Variants in UBR1 observed in about 807,000 individuals in gnomAD.
UBR1 encodes the protein E3 ubiquitin-protein ligase UBR1.
A neutral mutation model predicts 242.1 loss-of-function variants in UBR1; 102 were observed. That is an observed-to-expected ratio of 0.42 (90% CI 0.36 to 0.50). UBR1 has a LOEUF of 0.50. Ranked by LOEUF, UBR1 falls within the 20% of genes least tolerant of loss-of-function variation. The pLI, the probability that UBR1 is intolerant of heterozygous loss-of-function variation, is 0.01. For synonymous variants in UBR1, 675 were observed against 684.8 expected (o/e 0.99, Z 0.22); for missense variants, 1,772 against 2,101.8 (o/e 0.84, Z 3.07).
intron 10 of UBR1, among the ~76,000 whole-genome samples, chr15:43,057,228 G>C (rs533507012): frequency 1.1e-4 from 16 of 152,284 alleles, no homozygotes; most frequent in African/African-American, 3.8e-4. Context: ...ATCTTGAGTT[G>C]CCATCACTGC....
At chr15:43,010,533 C>CAT (rs2032907669) in intron 29 of UBR1, among the ~76,000 whole-genome samples, 1 of 152,034 alleles carries the variant, frequency 6.6e-6, no homozygotes, top group African/African-American at 2.4e-5. Flanking sequence ...GTATTAATAA[C>CAT]ATAGGAAAAA....
chr15:42,976,847 G>A lies in UBR1; in HGVS notation c.4239C>T (p.Phe1413=), dbSNP rs760880459. The change falls in exon 39 of 47, where the codon TTC becomes TTT. Residue 1413 remains phenylalanine, a synonymous_variant. Coordinates refer to ENST00000290650, the MANE Select transcript of UBR1 (RefSeq NM_174916.3). ...FHVLVGAVLA[F]PSLYWDDPVD... ...CAGGGTCATCCCAATACAAGGATGG[G>A]AATGCTAACACAGCACCCACCTATG... is the stretch of plus-strand genomic sequence containing the variant. The A allele has an allele frequency of 6.2e-7, 1 of 1,613,904 alleles. No homozygotes were observed. Among genetic ancestry groups the A allele is most frequent in the Non-Finnish European group, 8.5e-7 (1 of 1,179,900 alleles).
At chr15:43,001,394 AC>A (rs1316425800) in intron 32 of UBR1, among the ~76,000 whole-genome samples, 1 of 152,070 alleles carries the variant, frequency 6.6e-6, no homozygotes, top group Non-Finnish European at 1.5e-5. Context: ...TGATCCGCCC[AC>A]CTCGGCTTCC....
chr15:42,999,942 A>G (rs1165682598), intron 32 of UBR1, among the ~76,000 whole-genome samples: 2 of 152,136 alleles, frequency 1.3e-5, no homozygotes, highest in Non-Finnish European at 1.5e-5. Context: ...AAATTTACCT[A>G]TCTGGGCACA....
At chr15:43,036,701 A>C in intron 17 of UBR1, 108 bp from the exon 18 acceptor site, 3 of 726,008 alleles carry the variant, frequency 4.1e-6, no homozygotes, top group Non-Finnish European at 7.1e-6. Flanking sequence ...ACCCCTCAAA[A>C]TCCTTAGTGG....
intron 12 of UBR1, among the ~76,000 whole-genome samples, chr15:43,053,152 T>G (rs528758938): frequency 9.2e-5 from 14 of 152,132 alleles, no homozygotes; most frequent in African/African-American, 3.4e-4. Flanking sequence ...TATATTTAGG[T>G]TGGGATAGAG....
intron 29 of UBR1, among the ~76,000 whole-genome samples, chr15:43,008,153 G>A (rs564518960): frequency 4.6e-5 from 7 of 152,344 alleles, no homozygotes; most frequent in African/African-American, 1.4e-4. Context: ...CAAAGATGTC[G>A]CTGCAGCAGT....
At chr15:43,018,828 A>G (rs2033064819) in intron 27 of UBR1, among the ~76,000 whole-genome samples, 1 of 152,218 alleles carries the variant, frequency 6.6e-6, no homozygotes, top group Non-Finnish European at 1.5e-5. Flanking sequence ...TGCTTTTCAG[A>G]TATTTTGATA....
chr15:43,070,886 C>T lies in UBR1; in HGVS notation c.568G>A (p.Ala190Thr), dbSNP rs771451861. 6.2e-7 allele frequency: 1 copy of T among 1,613,680 alleles called. No homozygotes were observed. Among genetic ancestry groups the T allele is most frequent in the Non-Finnish European group, 8.5e-7 (1 of 1,179,970 alleles). The change falls in exon 5 of 47, where the codon GCC becomes ACC. Residue 190 changes from alanine to threonine, a missense_variant. Coordinates refer to ENST00000290650, the MANE Select transcript of UBR1 (RefSeq NM_174916.3). Reference protein sequence around the residue: ...CPLNEEVIVQARKIFPSVIKY... With the variant: ...CPLNEEVIVQTRKIFPSVIKY... ...ATCACTGAAGGAAATATTTTCCTGG[C>T]TTGGACAATTACCTCTTCATTCAAC...
Position 42,945,111 on chromosome 15 carries a change from C to T in UBR1, c.*218G>A. On this transcript the variant is annotated 3_prime_UTR_variant, in exon 47 of 47. Transcript: ENST00000290650. ...GAATAAATTCCTGGAAATACTAGCACATAAAACAGATTGATCTATGTCCTT... is the reference window on the plus strand; with the variant it reads ...GAATAAATTCCTGGAAATACTAGCATATAAAACAGATTGATCTATGTCCTT... 1 of 590,618 alleles carries T rather than the reference C, an allele frequency of 1.7e-6. No individual in the cohort carries two copies. Among genetic ancestry groups the T allele is most frequent in the Non-Finnish European group, 2.9e-6 (1 of 339,072 alleles). The allele number at this position is 590,618 out of a possible 1,614,324, so 36.6% of individuals were successfully genotyped here. A position where few individuals can be genotyped will look rare whatever the true frequency, so the allele number is the denominator to read the frequency against.
chr15:43,077,967 CA>C (rs111273237), intron 3 of UBR1, among the ~76,000 whole-genome samples: 1 of 151,768 alleles, frequency 6.6e-6, no homozygotes, highest in African/African-American at 2.4e-5. Context: ...AGGAGAACAA[CA>C]AAAAAAATTA....
chr15:43,076,550 C>T (rs2141351676), intron 3 of UBR1, among the ~76,000 whole-genome samples: 1 of 150,546 alleles, frequency 6.6e-6, no homozygotes, highest in East Asian at 2.0e-4. Context: ...GCGCCTCTGC[C>T]CCGCCGCCCT....
intron 27 of UBR1, among the ~76,000 whole-genome samples, chr15:43,020,917 T>G (rs1404026279): frequency 6.6e-6 from 1 of 152,228 alleles, no homozygotes; most frequent in African/African-American, 2.4e-5. Context: ...ATCTATTGAA[T>G]TACCCTGATA....
Position 43,034,665 on chromosome 15 carries a change from C to A in UBR1, c.2190+1513G>T, listed in dbSNP as rs1311706499. 3.3e-5 allele frequency among the ~76,000 whole-genome samples: 5 copies of A among 152,002 alleles called. No homozygotes were observed. The East Asian group carries it at 9.7e-4, about 29-fold the overall frequency. The stretch of plus-strand genomic sequence containing the variant: ...CTTTGGGAGGCCAAGGCGGGCAGAT[C>A]ACCCGAGGTCAGAAGTTCGAGACCA... On this transcript the variant is annotated intron_variant, in intron 19 of 46. Coordinates refer to ENST00000290650, the MANE Select transcript of UBR1 (RefSeq NM_174916.3).
intron 32 of UBR1, among the ~76,000 whole-genome samples, chr15:43,002,099 T>A (rs1343323916): frequency 6.6e-6 from 1 of 152,190 alleles, no homozygotes; most frequent in Non-Finnish European, 1.5e-5. Flanking sequence ...AAATTAGGCT[T>A]TTGATCACAT....
intron 29 of UBR1, among the ~76,000 whole-genome samples, chr15:43,011,416 A>T (rs1238143456): frequency 1.3e-5 from 2 of 152,214 alleles, no homozygotes; most frequent in Non-Finnish European, 2.9e-5. Flanking sequence ...TAATTTTAAG[A>T]CTTATATAAG....
intron 1 of UBR1, among the ~76,000 whole-genome samples, chr15:43,096,091 TA>T (rs2034155475): frequency 6.6e-6 from 1 of 152,282 alleles, no homozygotes; most frequent in Admixed American, 6.5e-5. Flanking sequence ...TTTTTGCTGA[TA>T]GGGGGATCTT....
In UBR1 at chr15:43,067,997, A is replaced by C; in HGVS notation, c.699T>G (p.Asp233Glu). ...NERYYCVLFN[D>E]EHHSYDHVIY... ...TGACGTGGTCATATGAATGGTGTTC[A>C]TCATTGAAAAGGACACAATAGTATC... Residue 233 changes from aspartate (D) to glutamate (E), a missense_variant, in exon 6 of 47, where the codon GAT becomes GAG. Physicochemically the swap from Asp to Glu is conservative, Grantham distance 45 (BLOSUM62 2). Around this residue, in one of 3 missense-constraint regions of UBR1, gnomAD observed 734 missense variants for 893.3 expected, o/e 0.82. Coordinates refer to ENST00000290650, the MANE Select transcript of UBR1 (RefSeq NM_174916.3). The C allele has an allele frequency of 6.2e-7, 1 of 1,612,954 alleles. No homozygotes were observed. Among genetic ancestry groups the C allele is most frequent in the South Asian group, 1.1e-5 (1 of 91,048 alleles).
At chr15:42,956,718 G>C (rs1041233168) in intron 44 of UBR1, among the ~76,000 whole-genome samples, 5 of 152,224 alleles carry the variant, frequency 3.3e-5, no homozygotes, top group African/African-American at 9.6e-5. Context: ...ATTTTGTGTA[G>C]TGGCTAGCAT....
Sources: gnomAD v4.1 joint callset for allele counts (sites outside exome capture counted in the v4.1 genomes callset) on GRCh38, gnomAD v4.1.1 for gene constraint, gnomAD v4.1.1 regional missense constraint, MANE v1.5 for transcripts, NCBI Gene and HGNC (gene_info 2026-07-23, HGNC 2026-07-21) for gene names.